The following GON4L variants were observed in gnomAD, a reference collection of about 807,000 sequenced individuals.
GON4L encodes the protein GON-4-like protein.
A neutral mutation model predicts 211.8 loss-of-function variants in GON4L; 87 were observed. The observed-to-expected ratio is 0.41, with a 90% confidence interval of 0.35 to 0.49. GON4L has a LOEUF of 0.49. GON4L is among the 20% of genes least tolerant of loss of function. The probability of loss-of-function intolerance (pLI) is 0.15; values close to 1 mark genes in which losing one functional copy is unlikely to be tolerated. For missense variants in GON4L, 2,155 were observed against 2,659.5 expected (o/e 0.81, Z 4.17); for synonymous variants, 875 against 962.6 (o/e 0.91, Z 1.68).
intron 21 of GON4L, chr1:155,764,282 C>G (rs1662178782): frequency 6.5e-6 from 1 of 154,686 alleles, no homozygotes; most frequent in African/African-American, 2.4e-5. Flanking sequence ...CTACGCCCAG[C>G]TAATTTTGTA....
upstream of GON4L, among the ~76,000 whole-genome samples, chr1:155,857,978 G>A (rs769841677): frequency 6.6e-6 from 1 of 152,286 alleles, no homozygotes; most frequent in Non-Finnish European, 1.5e-5. Flanking sequence ...TAGACTGTAA[G>A]ATTATTATAT....
intron 16 of GON4L, among the ~76,000 whole-genome samples, chr1:155,775,912 G>A (rs1557850037): frequency 6.6e-6 from 1 of 152,056 alleles, no homozygotes. Context: ...TGCCTCCCAA[G>A]TAGCTGAGAC....
chr1:155,765,464 T>C lies in GON4L; in HGVS notation c.4009A>G (p.Ser1337Gly). Residue 1337 changes from serine to glycine, a missense_variant, in exon 21 of 32, where the codon AGT (serine) becomes GGT (glycine). Ser to Gly is a moderately conservative substitution (Grantham distance 56). Coordinates refer to ENST00000368331, the MANE Select transcript of GON4L (RefSeq NM_001282860.2). The part of the protein sequence containing the change: ...MEPEEAREEI[S>G]GSPERDICDD... The stretch of plus-strand genomic sequence containing the variant: ...CAAATATCACGCTCAGGGGATCCAC[T>C]GATTTCCTCTCTAGCTTCTTCAGGT... 1 of 1,614,196 alleles carries C rather than the reference T, an allele frequency of 6.2e-7. No homozygotes were observed. Among genetic ancestry groups the C allele is most frequent in the South Asian group, 1.1e-5 (1 of 91,086 alleles).
At chr1:155,837,629 T>C (rs1450963381) in intron 2 of GON4L, among the ~76,000 whole-genome samples, 3 of 151,262 alleles carry the variant, frequency 2.0e-5, no homozygotes, top group Non-Finnish European at 4.4e-5. Flanking sequence ...TCTCTCTCTC[T>C]CTCCCCCACC....
chr1:155,827,087 A>G (rs765681699), intron 2 of GON4L, 59 bp from the exon 3 acceptor site: 7 of 1,233,912 alleles, frequency 5.7e-6, no homozygotes, highest in Non-Finnish European at 8.4e-6. Flanking sequence ...ACTCTGTTGT[A>G]GAATTTAGCA....
chr1:155,819,449 T>G (rs935328588), intron 6 of GON4L, among the ~76,000 whole-genome samples: 1 of 152,088 alleles, frequency 6.6e-6, no homozygotes, highest in Non-Finnish European at 1.5e-5. Context: ...AAGGTCTCGG[T>G]CTCATTACGT....
intron 10 of GON4L, among the ~76,000 whole-genome samples, chr1:155,813,212 A>G (rs1164034609): frequency 6.6e-6 from 1 of 152,150 alleles, no homozygotes; most frequent in African/African-American, 2.4e-5. Flanking sequence ...TGGGAGGATC[A>G]CTTGAGCCCA....
intron 14 of GON4L, among the ~76,000 whole-genome samples, chr1:155,781,703 C>T (rs1664444161): frequency 6.6e-6 from 1 of 151,764 alleles, no homozygotes; most frequent in Non-Finnish European, 1.5e-5. Flanking sequence ...CCTTGTGATC[C>T]GCCTGCCTTG....
At chr1:155,841,657 G>A (rs79549100) in intron 2 of GON4L, among the ~76,000 whole-genome samples, 16,868 of 152,208 alleles carry the variant, frequency 0.11, 1,364 homozygotes, top group Middle Eastern at 0.22. Flanking sequence ...GTCCCACCAA[G>A]GGACATGAGG....
At chr1:155,832,167 C>T (rs1156249790) in intron 2 of GON4L, among the ~76,000 whole-genome samples, 1 of 149,270 alleles carries the variant, frequency 6.7e-6, no homozygotes, top group Admixed American at 6.8e-5. Context: ...CCCAGCTACT[C>T]GGGAGGCTGA....
intron 10 of GON4L, among the ~76,000 whole-genome samples, chr1:155,811,510 C>G (rs1479253953): frequency 6.6e-6 from 1 of 150,454 alleles, no homozygotes; most frequent in Non-Finnish European, 1.5e-5. Context: ...AATCCCAGCA[C>G]TCTGGGAGGC....
intron 9 of GON4L, 29 bp downstream of exon 9, chr1:155,814,300 TA>T (rs1216558719): frequency 6.3e-7 from 1 of 1,595,096 alleles, no homozygotes; most frequent in Non-Finnish European, 8.6e-7. Flanking sequence ...CAGTTATGTC[TA>T]ACATCTCTTT....
chr1:155,827,161 CCT>C (rs1191080503), intron 2 of GON4L, 133 bp from the exon 3 acceptor site: 3 of 718,646 alleles, frequency 4.2e-6, no homozygotes, highest in African/African-American at 3.5e-5. Flanking sequence ...TAGGAATTTT[CCT>C]CTCTTAAATC....
Position 155,766,210 on chromosome 1 carries a change from G to C in GON4L, c.3263C>G (p.Ser1088Cys), listed in dbSNP as rs758314658. ...AGGGGCAGAAGAGAGCAAAGTCTGG[G>C]ACTCAGACAGAGGGAAGCTTGTCCT... ...EARTSFPLSE[S>C]QTLLSSAPVP... Residue 1088 changes from serine to cysteine, a missense_variant, in exon 21 of 32, where the codon TCC becomes TGC. Around this residue, in one of 6 missense-constraint regions of GON4L, gnomAD observed 615 missense variants for 625.7 expected, o/e 0.98. Transcript: ENST00000368331. The C allele has an allele frequency of 3.1e-6, 5 of 1,614,144 alleles. No homozygotes were observed. In the South Asian group the frequency reaches 5.5e-5, roughly 18 times the overall value.
chr1:155,754,199 C>G (rs544014235), intron 28 of GON4L, 176 bp downstream of exon 28: 5 of 659,900 alleles, frequency 7.6e-6, no homozygotes, highest in Non-Finnish European at 1.4e-5. Context: ...CTTTAAAAAA[C>G]AAAATCTATC....
chr1:155,847,620 T>C (rs1671370352), intron 2 of GON4L, among the ~76,000 whole-genome samples: 1 of 152,104 alleles, frequency 6.6e-6, no homozygotes, highest in Non-Finnish European at 1.5e-5. Context: ...GAGAATCGCT[T>C]GAACCCAGGA....
At chr1:155,833,227 T>C (rs1669961046) in intron 2 of GON4L, among the ~76,000 whole-genome samples, 1 of 152,188 alleles carries the variant, frequency 6.6e-6, no homozygotes, top group South Asian at 2.1e-4. Context: ...CATAGTTATT[T>C]ATCCATTCCT....
At chr1:155,839,650 C>CAAA (rs76003215) in intron 2 of GON4L, among the ~76,000 whole-genome samples, 1 of 61,732 alleles carries the variant, frequency 1.6e-5, no homozygotes, top group Non-Finnish European at 3.3e-5. Flanking sequence ...GACTCTGTCT[C>CAAA]AAAAAAAAAA....
chr1:155,780,235 T>C (rs1466485460), intron 14 of GON4L, among the ~76,000 whole-genome samples: 1 of 152,232 alleles, frequency 6.6e-6, no homozygotes, highest in African/African-American at 2.4e-5. Context: ...TCCTGCTTCA[T>C]GCTAGAAGAT....
Sources: gnomAD v4.1 joint callset for allele counts (sites outside exome capture counted in the v4.1 genomes callset) on GRCh38, gnomAD v4.1.1 for gene constraint, gnomAD v4.1.1 regional missense constraint, MANE v1.5 for transcripts, NCBI Gene and HGNC (gene_info 2026-07-23, HGNC 2026-07-21) for gene names.